Variants in GMDS observed in about 807,000 individuals in gnomAD.
The protein encoded by GMDS is GDP-mannose 4,6 dehydratase.
Under a neutral mutation model 49.9 loss-of-function variants are expected in GMDS, and 20 were observed. The ratio of observed to expected loss-of-function variants is 0.40; its 90% CI spans 0.28 to 0.58. The LOEUF (loss-of-function observed/expected upper bound fraction) is 0.58, where lower values mean the gene tolerates loss of function less well. Ranked by LOEUF, GMDS falls within the 20% of genes least tolerant of loss-of-function variation. The pLI is 0.42. For synonymous variants in GMDS, 177 were observed against 178.6 expected (o/e 0.99, Z 0.07); for missense variants, 362 against 481.4 (o/e 0.75, Z 2.32).
rs3839602 is a variant in GMDS, at chr6:1,871,058, G to GCACACACA, written c.771+59037_771+59044dup. Reference sequence around the variant, plus strand: ...CACCCATCCATATCACTATCCCCCAGCACACACACACACACACACACACAC... The same window carrying GCACACACA: ...CACCCATCCATATCACTATCCCCCAGCACACACACACACACACACACACACACACACAC... On this transcript the variant is annotated intron_variant, in intron 7 of 10. Coordinates refer to ENST00000380815, the MANE Select transcript of GMDS (RefSeq NM_001500.4). 5.6e-3 allele frequency among the ~76,000 whole-genome samples: 818 copies of GCACACACA among 147,202 alleles called. 8 individuals are homozygous for GCACACACA. Among genetic ancestry groups the GCACACACA allele is most frequent in the African/African-American group, 0.018 (729 of 40,282 alleles).
At chr6:1,956,132 T>C (rs1027453361) in intron 6 of GMDS, among the ~76,000 whole-genome samples, 5 of 152,190 alleles carry the variant, frequency 3.3e-5, no homozygotes, top group Admixed American at 1.3e-4. Context: ...CTTGCTACCA[T>C]AGGAGAAACC....
At position 1,833,945 on chromosome 6, in the gene GMDS, T is replaced by C. The variant is rs964548065; in HGVS notation, c.772-91359A>G. Among the ~76,000 whole-genome samples, 1 of 152,196 alleles carries C rather than the reference T, an allele frequency of 6.6e-6. No homozygotes were observed. The highest frequency in any genetic ancestry group is 1.5e-5 in the Non-Finnish European group (1 of 68,038). On this transcript the variant is annotated intron_variant, in intron 7 of 10. Transcript: ENST00000380815. The surrounding 1 kb of genome is among the most constrained non-coding windows in gnomAD (Gnocchi z 4.4). ...TCGCATCAAATCCATAGAACAACTC[T>C]AATATTCTTACTCACTCAAAAATGA...
chr6:1,686,356 T>A (rs1764976055), intron 9 of GMDS, among the ~76,000 whole-genome samples: 1 of 152,206 alleles, frequency 6.6e-6, no homozygotes, highest in South Asian at 2.1e-4. Context: ...CAGAAGCAAG[T>A]GCATGGCTAC....
At chr6:1,663,680 C>A (rs150523161) in intron 9 of GMDS, among the ~76,000 whole-genome samples, 1 of 152,204 alleles carries the variant, frequency 6.6e-6, no homozygotes, top group Non-Finnish European at 1.5e-5. Flanking sequence ...GTTCCTTCAA[C>A]TGGCAAAGCA....
At chr6:1,805,468 G>A (rs1035093690) in intron 7 of GMDS, among the ~76,000 whole-genome samples, 4 of 152,120 alleles carry the variant, frequency 2.6e-5, no homozygotes, top group Admixed American at 1.3e-4. Flanking sequence ...GTATGGTCCA[G>A]GCACCTCTGG....
intron 9 of GMDS, among the ~76,000 whole-genome samples, chr6:1,719,480 C>T (rs1256011205): frequency 1.3e-5 from 2 of 152,126 alleles, no homozygotes; most frequent in Admixed American, 6.5e-5. Flanking sequence ...TTAACTTTAT[C>T]GAGAGCATGA....
intron 4 of GMDS, among the ~76,000 whole-genome samples, chr6:2,050,514 C>T (rs560093095): frequency 6.6e-4 from 100 of 152,310 alleles, no homozygotes; most frequent in African/African-American, 2.3e-3. Flanking sequence ...GGGAATCCTC[C>T]CTAACTCATT....
At chr6:1,645,143 T>G (rs1275506889) in intron 9 of GMDS, among the ~76,000 whole-genome samples, 1 of 151,870 alleles carries the variant, frequency 6.6e-6, no homozygotes, top group Non-Finnish European at 1.5e-5. Flanking sequence ...ACCATGCTGG[T>G]CAGGCTGGTC....
At chr6:2,058,753 C>T (rs1358548362) in intron 4 of GMDS, among the ~76,000 whole-genome samples, 1 of 152,130 alleles carries the variant, frequency 6.6e-6, no homozygotes, top group Non-Finnish European at 1.5e-5. Flanking sequence ...TGAGTCAGAG[C>T]GACGGCTGCG....
chr6:1,733,441 CAG>C (rs1581522059), intron 8 of GMDS, among the ~76,000 whole-genome samples: 2 of 152,216 alleles, frequency 1.3e-5, no homozygotes, highest in East Asian at 3.9e-4. Flanking sequence ...TTTGGCAGAA[CAG>C]GGGGAGAGAG....
intron 4 of GMDS, among the ~76,000 whole-genome samples, chr6:2,047,239 G>C (rs1023828983): frequency 6.6e-6 from 1 of 152,128 alleles, no homozygotes; most frequent in African/African-American, 2.4e-5. Flanking sequence ...CATTCTCTTT[G>C]TACTGCCCTG....
chr6:1,783,203 T>C (rs1769183264), intron 7 of GMDS, among the ~76,000 whole-genome samples: 1 of 152,052 alleles, frequency 6.6e-6, no homozygotes, highest in South Asian at 2.1e-4. Flanking sequence ...CTGGTATAAC[T>C]AGGGGAGTAA....
chr6:2,086,828 T>C (rs919823026), intron 4 of GMDS, among the ~76,000 whole-genome samples: 1 of 152,228 alleles, frequency 6.6e-6, no homozygotes, highest in African/African-American at 2.4e-5. Context: ...AGGCCGACTA[T>C]AATAGTTTTC....
chr6:2,101,551 A>G (rs188011778), intron 4 of GMDS, among the ~76,000 whole-genome samples: 1 of 152,022 alleles, frequency 6.6e-6, no homozygotes, highest in Non-Finnish European at 1.5e-5. Flanking sequence ...GAAAGAGAAA[A>G]GAATCTCCCA....
At chr6:1,819,760 CAA>C (rs1197523577) in intron 7 of GMDS, among the ~76,000 whole-genome samples, 5,382 of 111,070 alleles carry the variant, frequency 0.048, 97 homozygotes, top group Non-Finnish European at 0.056. Context: ...GACTCTGCCT[CAA>C]AAAAAAAAAA....
At chr6:1,845,411 T>C (rs991077957) in intron 7 of GMDS, among the ~76,000 whole-genome samples, 4 of 152,222 alleles carry the variant, frequency 2.6e-5, no homozygotes, top group Non-Finnish European at 5.9e-5. Flanking sequence ...ACATAGATCT[T>C]GTAGAAAATG....
intron 4 of GMDS, among the ~76,000 whole-genome samples, chr6:2,019,198 T>G (rs548890046): frequency 1.3e-5 from 2 of 151,528 alleles, no homozygotes; most frequent in African/African-American, 4.8e-5. Flanking sequence ...TAATTTTTAG[T>G]GGATTCCTTA....
At chr6:1,798,015 T>C (rs1014491088) in intron 7 of GMDS, among the ~76,000 whole-genome samples, 1 of 152,216 alleles carries the variant, frequency 6.6e-6, no homozygotes, top group East Asian at 1.9e-4. Context: ...TGGTTTTATA[T>C]ATTCAAAAGT....
Position 2,175,841 on chromosome 6 carries a change from C to G in GMDS, c.103-51110G>C, listed in dbSNP as rs1220374689. 9 of 708,850 alleles carry G rather than the reference C, an allele frequency of 1.3e-5. No individual in the cohort carries two copies. The East Asian group carries it at 2.4e-4, about 19-fold the overall frequency. 43.9% of individuals were successfully genotyped at this position (708,850 alleles called of 1,614,324 possible). On this transcript the variant is annotated intron_variant, in intron 1 of 10. Coordinates refer to ENST00000380815, the MANE Select transcript of GMDS (RefSeq NM_001500.4). ...TGTTGTAAGCACCTTATGCATGAAC[C>G]CACGTAAGTTCATGAACCCACATAA...
Sources: allele counts gnomAD v4.1 joint callset (sites outside exome capture counted in the v4.1 genomes callset), GRCh38; gene constraint gnomAD v4.1.1; non-coding constraint Gnocchi (gnomAD v3.1); transcripts MANE v1.5; gene names NCBI Gene and HGNC (gene_info 2026-07-23, HGNC 2026-07-21).